The following TIMD4 variants were observed in gnomAD, a reference collection of about 807,000 sequenced individuals.
The protein encoded by TIMD4 is T-cell immunoglobulin and mucin domain-containing protein 4.
In TIMD4, 31 loss-of-function variants were observed where a neutral mutation model predicts 41.2. The ratio of observed to expected loss-of-function variants is 0.75; its 90% CI spans 0.57 to 1.01. The LOEUF (loss-of-function observed/expected upper bound fraction) is 1.01. TIMD4 is among the 50% of genes least tolerant of loss of function. TIMD4 has a pLI of 0.00. For missense variants in TIMD4, 479 were observed against 472.5 expected, an observed-to-expected ratio of 1.01 and a Z score of -0.13; for synonymous variants, 204 against 177.1, an observed-to-expected ratio of 1.15 and a Z score of -1.21.
intron 5 of TIMD4, 123 bp from the exon 6 acceptor site, chr5:156,926,435 G>A (rs891068263): frequency 2.6e-5 from 24 of 929,212 alleles, no homozygotes; most frequent in African/African-American, 1.7e-4. Flanking sequence ...ATTTAATCCC[G>A]TGTTTTTTGT....
At chr5:156,922,238 G>A (rs773198157) in intron 6 of TIMD4, 22 bp from the exon 7 acceptor site, 2 of 1,584,688 alleles carry the variant, frequency 1.3e-6, no homozygotes, top group Admixed American at 1.7e-5. Flanking sequence ...CAGGCAAGGA[G>A]ATGGACCCAG....
rs922803491 is a variant in TIMD4 at position 156,944,503 on chromosome 5, T to C, written c.844+3913A>G. On this transcript the variant is annotated intron_variant, in intron 5 of 8. Transcript: ENST00000274532. ...CTGTTCAGCTGTGTGATCTTTTTTT[T>C]TTTTTTTTTTTTTTTTTTTGAGACG... 2.5e-3 allele frequency among the ~76,000 whole-genome samples: 338 copies of C among 132,822 alleles called. 1 individual carries two copies. Among genetic ancestry groups the C allele is most frequent in the African/African-American group, 8.8e-3 (329 of 37,178 alleles). The allele number at this position is 132,822 out of a possible 152,430, so 87.1% of individuals were successfully genotyped here.
chr5:156,920,805 C>T (rs114775121), intron 7 of TIMD4, among the ~76,000 whole-genome samples: 1 of 152,328 alleles, frequency 6.6e-6, no homozygotes, highest in African/African-American at 2.4e-5. Flanking sequence ...CAAAACACTT[C>T]TTTACGAGAC....
At chr5:156,951,368 GT>G in intron 3 of TIMD4, 143 bp downstream of exon 3, 5 of 1,009,810 alleles carry the variant, frequency 5.0e-6, no homozygotes, top group Middle Eastern at 3.3e-4. Flanking sequence ...CCAGTCTGCG[GT>G]GTTTGTTTGA....
chr5:156,954,546 A>C lies in TIMD4; in HGVS notation c.269T>G (p.Ile90Ser), dbSNP rs767048599. The C allele has an allele frequency of 9.9e-6, 16 of 1,614,130 alleles. No homozygotes were observed. The African/African-American group carries it at 1.7e-4, about 17-fold the overall frequency. ...GGTCAAGGAGACATCACCTCTCGGG[A>C]TAGTCCCCTGAAGTCTATATTTTGC... Reference protein sequence around the residue: ...KSAKYRLQGTIPRGDVSLTIL... With the variant: ...KSAKYRLQGTSPRGDVSLTIL... Residue 90 changes from isoleucine to serine, a missense_variant, in exon 2 of 9, where the codon ATC becomes AGC. Physicochemically the swap from Ile to Ser is moderately radical, Grantham distance 142. Transcript: ENST00000274532.
chr5:156,940,803 C>T (rs899438367), intron 5 of TIMD4, among the ~76,000 whole-genome samples: 27 of 152,388 alleles, frequency 1.8e-4, no homozygotes, highest in Admixed American at 5.9e-4. Flanking sequence ...GCAGCCGCCC[C>T]GTCTGGGAGG....
At chr5:156,950,661 G>C (rs772650944) in intron 3 of TIMD4, among the ~76,000 whole-genome samples, 1 of 152,168 alleles carries the variant, frequency 6.6e-6, no homozygotes, top group Non-Finnish European at 1.5e-5. Context: ...CACTCAGTGA[G>C]AGGTACAAGT....
intron 5 of TIMD4, among the ~76,000 whole-genome samples, chr5:156,937,998 C>T (rs141972863): frequency 6.6e-6 from 1 of 152,302 alleles, no homozygotes; most frequent in East Asian, 1.9e-4. Flanking sequence ...ATTCCTCTGC[C>T]TTTCTCTGTT....
At chr5:156,933,008 AAAGAAAAG>A (rs1435898255) in intron 5 of TIMD4, among the ~76,000 whole-genome samples, 1 of 145,958 alleles carries the variant, frequency 6.9e-6, no homozygotes, top group East Asian at 2.0e-4. Flanking sequence ...TGTCTCAAAA[AAAGAAAAG>A]AAAAGAAAAG....
chr5:156,919,470 AG>A lies in TIMD4; in HGVS notation c.1123del (p.Leu375PhefsTer11). 6.2e-7 allele frequency: 1 copy of A among 1,614,032 alleles called. No homozygotes were observed. The highest frequency in any genetic ancestry group is 8.5e-7 in the Non-Finnish European group (1 of 1,179,936). On this transcript the variant is annotated frameshift_variant, in exon 9 of 9. Coordinates refer to ENST00000274532, the MANE Select transcript of TIMD4 (RefSeq NM_138379.3). LOFTEE classifies it high-confidence loss of function. The part of the protein sequence containing the change: ...VQHGREDEDG[L>X]FTL Reference sequence around the variant, plus strand: ...GCTACTGCGTTGTTAGAGGGTAAAAAGGCCGTCTTCGTCTTCCCTTCCATGC... The same window carrying A: ...GCTACTGCGTTGTTAGAGGGTAAAAAGCCGTCTTCGTCTTCCCTTCCATGC...
At chr5:156,939,100 C>T (rs1414391112) in intron 5 of TIMD4, among the ~76,000 whole-genome samples, 1 of 152,188 alleles carries the variant, frequency 6.6e-6, no homozygotes, top group African/African-American at 2.4e-5. Flanking sequence ...CACACAATAT[C>T]TTTAGGTGAT....
chr5:156,960,559 A>T (rs1760060709), intron 1 of TIMD4, among the ~76,000 whole-genome samples: 1 of 152,024 alleles, frequency 6.6e-6, no homozygotes, highest in South Asian at 2.1e-4. Context: ...GGCACATGTC[A>T]CCACGCCTGG....
chr5:156,945,110 G>A (rs1759716362), intron 5 of TIMD4, among the ~76,000 whole-genome samples: 1 of 152,226 alleles, frequency 6.6e-6, no homozygotes, highest in Non-Finnish European at 1.5e-5. Context: ...TCTGAAGTGG[G>A]TTGGAAGGGT....
At chr5:156,944,169 G>A (rs1759696090) in intron 5 of TIMD4, among the ~76,000 whole-genome samples, 1 of 152,170 alleles carries the variant, frequency 6.6e-6, no homozygotes, top group Non-Finnish European at 1.5e-5. Flanking sequence ...AATAGATTTG[G>A]GGGGAGTGGG....
chr5:156,945,691 G>A (rs947315566), intron 5 of TIMD4, among the ~76,000 whole-genome samples: 1 of 152,128 alleles, frequency 6.6e-6, no homozygotes, highest in African/African-American at 2.4e-5. Flanking sequence ...TAATGTTTGT[G>A]TAATTTAAAA....
At chr5:156,960,212 C>A (rs922263667) in intron 1 of TIMD4, among the ~76,000 whole-genome samples, 4 of 152,010 alleles carry the variant, frequency 2.6e-5, no homozygotes, top group Non-Finnish European at 5.9e-5. Flanking sequence ...TAGACATAGA[C>A]CCCTGCAACT....
At chr5:156,936,871 G>T (rs1325254639) in intron 5 of TIMD4, among the ~76,000 whole-genome samples, 1 of 150,834 alleles carries the variant, frequency 6.6e-6, no homozygotes, top group Non-Finnish European at 1.5e-5. Flanking sequence ...GGCAGAGGTT[G>T]CAGTGAGCCG....
chr5:156,931,071 AG>A (rs1468412178), intron 5 of TIMD4, among the ~76,000 whole-genome samples: 3 of 152,206 alleles, frequency 2.0e-5, no homozygotes. Context: ...GATCACAGAG[AG>A]AGAGAGATAT....
At position 156,948,430 on chromosome 5, in the gene TIMD4, G is replaced by T; in HGVS notation, c.830C>A (p.Ser277Tyr). The T allele has an allele frequency of 6.7e-7, 1 of 1,498,744 alleles. No homozygotes were observed. The highest frequency in any genetic ancestry group is 8.9e-7 in the Non-Finnish European group (1 of 1,120,332). 92.8% of individuals were successfully genotyped at this position (1,498,744 alleles called of 1,614,324 possible). A position where few individuals can be genotyped will look rare whatever the true frequency, so the allele number is the denominator to read the frequency against. The change falls in exon 5 of 9, where the codon TCT becomes TAT. Residue 277 changes from serine (S) to tyrosine (Y), a missense_variant. Physicochemically the swap from Ser to Tyr is moderately radical, Grantham distance 144 (BLOSUM62 -2). Coordinates refer to ENST00000274532, the MANE Select transcript of TIMD4 (RefSeq NM_138379.3). ...SMWKTSDSVS[S>Y]PQPGASDTAV... ...AGCCCCCCTACCTCCAGGCTGAGGA[G>T]AAGACACAGAATCACTCGTTTTCCA... is the stretch of plus-strand genomic sequence containing the variant.
Sources: allele counts gnomAD v4.1 joint callset (sites outside exome capture counted in the v4.1 genomes callset), GRCh38; gene constraint gnomAD v4.1.1; transcripts MANE v1.5; gene names NCBI Gene and HGNC (gene_info 2026-07-23, HGNC 2026-07-21).